Variants in HELLS observed in about 807,000 individuals in gnomAD.
HELLS encodes lymphoid-specific helicase.
In HELLS, 32 loss-of-function variants were observed where a neutral mutation model predicts 120.0. The ratio of observed to expected loss-of-function variants is 0.27; its 90% CI spans 0.20 to 0.36. The LOEUF (loss-of-function observed/expected upper bound fraction) is 0.36, where lower values mean the gene tolerates loss of function less well. Among genes scored for constraint, HELLS ranks in the 10% least tolerant of loss-of-function variants. The pLI, the probability that HELLS is intolerant of heterozygous loss-of-function variation, is 1.00. For synonymous variants in HELLS, 341 were observed against 323.4 expected (o/e 1.05, Z -0.58); for missense variants, 650 against 993.4 (o/e 0.65, Z 4.65).
chr10:94,588,511 A>G, intron 13 of HELLS, 121 bp downstream of exon 13: 1 of 610,734 alleles, frequency 1.6e-6, no homozygotes, highest in South Asian at 2.8e-5. Context: ...TGGCACAATC[A>G]CTGCTCACTG....
At chr10:94,613,075 TCCA>T (rs1846210356) in exon 10 of HELLS, 2 of 152,236 alleles carry the variant, frequency 1.3e-5, no homozygotes. Context: ...TCAGTGTGTA[TCCA>T]CCACATTTAA....
chr10:94,554,909 G>A (rs148137108), intron 3 of HELLS, among the ~76,000 whole-genome samples: 3 of 152,248 alleles, frequency 2.0e-5, no homozygotes, highest in African/African-American at 7.2e-5. Context: ...AGCACTTTGG[G>A]GAGCCTAGGT....
chr10:94,584,988 T>C (rs1261824363), intron 12 of HELLS, among the ~76,000 whole-genome samples: 1 of 152,136 alleles, frequency 6.6e-6, no homozygotes, highest in African/African-American at 2.4e-5. Context: ...TCAAAATGAA[T>C]TCAGATTAGG....
intron 6 of HELLS, 58 bp from the exon 7 acceptor site, chr10:94,571,326 GAATA>G (rs1844148524): frequency 4.7e-6 from 6 of 1,281,226 alleles, no homozygotes; most frequent in Admixed American, 2.0e-5. Context: ...AATGCTTGTT[GAATA>G]AATAAATAAA....
chr10:94,574,138 C>T lies in HELLS; in HGVS notation c.656C>T (p.Thr219Ile). The T allele has an allele frequency of 6.2e-7, 1 of 1,614,080 alleles. No homozygotes were observed. The highest frequency in any genetic ancestry group is 1.6e-4 in the Middle Eastern group (1 of 6,062). ...PVPFQQPKHFTGGVMRWYQVE... is the reference protein window; with the variant it reads ...PVPFQQPKHFIGGVMRWYQVE... Reference sequence around the variant, plus strand: ...CCTTTTCAACAACCAAAGCACTTCACTGGAGGAGTGATGCGATGGTACCAA... The same window carrying T: ...CCTTTTCAACAACCAAAGCACTTCATTGGAGGAGTGATGCGATGGTACCAA... Residue 219 changes from threonine (T) to isoleucine (I), a missense_variant, in exon 8 of 22, where the codon ACT (threonine) becomes ATT (isoleucine). By Grantham distance (89) the Thr-to-Ile change is moderately conservative. This residue lies in a region of HELLS where 26 missense variants were observed against 87.3 expected (regional missense o/e 0.30). Transcript: ENST00000348459.
intron 4 of HELLS, among the ~76,000 whole-genome samples, chr10:94,559,201 T>G (rs185903233): frequency 2.0e-5 from 3 of 152,290 alleles, no homozygotes; most frequent in Admixed American, 1.3e-4. Context: ...ACCATATGTA[T>G]GTCAAGCATA....
At chr10:94,603,600 AT>A (rs1846090561), downstream of HELLS, among the ~76,000 whole-genome samples, 1 of 152,202 alleles carries the variant, frequency 6.6e-6, no homozygotes, top group Non-Finnish European at 1.5e-5. Context: ...TTTCTCCTGA[AT>A]TCCAGATTCA....
rs1055105277 is a variant in HELLS at position 94,590,648 on chromosome 10, G to C, written c.1639G>C (p.Glu547Gln). Residue 547 changes from glutamate to glutamine, a missense_variant, in exon 15 of 22, where the codon GAA (glutamate) becomes CAA (glutamine). This residue lies in a region of HELLS where 191 missense variants were observed against 259.7 expected (regional missense o/e 0.74). Coordinates refer to ENST00000348459, the MANE Select transcript of HELLS (RefSeq NM_018063.5). ...PEVDRERAVVEVNIPVESEVN... is the reference protein window; with the variant it reads ...PEVDRERAVVQVNIPVESEVN... Reference sequence around the variant, plus strand: ...TATTTGTTTTGGTAGAGCTGTTGTGGAAGTGAATATCCCTGTAGAATCTGA... The same window carrying C: ...TATTTGTTTTGGTAGAGCTGTTGTGCAAGTGAATATCCCTGTAGAATCTGA... 1 of 1,608,428 alleles carries C rather than the reference G, an allele frequency of 6.2e-7. No homozygotes were observed. Among genetic ancestry groups the C allele is most frequent in the African/African-American group, 1.3e-5 (1 of 74,604 alleles).
chr10:94,574,335 G>A, intron 8 of HELLS, 148 bp downstream of exon 8: 1 of 706,052 alleles, frequency 1.4e-6, no homozygotes, highest in Non-Finnish European at 2.3e-6. Flanking sequence ...TCTTTACCCT[G>A]AATTTTTAGA....
intron 15 of HELLS, 104 bp from the exon 16 acceptor site, chr10:94,592,125 T>G: frequency 1.3e-6 from 1 of 793,266 alleles, no homozygotes; most frequent in South Asian, 1.9e-5. Context: ...TTTAAGTTTT[T>G]TAAGTGACTT....
intron 10 of HELLS, chr10:94,577,347 C>G: frequency 4.4e-6 from 1 of 225,560 alleles, no homozygotes; most frequent in South Asian, 5.6e-5. Flanking sequence ...CTACCTCATT[C>G]ATTTATAATT....
intron 2 of HELLS, among the ~76,000 whole-genome samples, chr10:94,549,563 A>G (rs1443534148): frequency 6.6e-6 from 1 of 152,200 alleles, no homozygotes; most frequent in East Asian, 1.9e-4. Flanking sequence ...AAGGATCATG[A>G]TATGTGTAGG....
chr10:94,559,167 G>T (rs750292660), intron 4 of HELLS, among the ~76,000 whole-genome samples: 10 of 152,102 alleles, frequency 6.6e-5, no homozygotes, highest in Non-Finnish European at 1.5e-4. Context: ...CTCAAACATG[G>T]GTTGCTGTTC....
intron 10 of HELLS, among the ~76,000 whole-genome samples, chr10:94,578,467 C>T (rs1205955987): frequency 2.0e-5 from 3 of 152,050 alleles, no homozygotes; most frequent in Non-Finnish European, 4.4e-5. Context: ...GAAGCTTAGG[C>T]GGGCAGATCA....
rs536370538 is a variant in HELLS at position 94,587,571 on chromosome 10, G to T, written c.1327-658G>T. On this transcript the variant is annotated intron_variant, in intron 12 of 21. Transcript: ENST00000348459. ...GCCTCTTGAGTAGCTGGGATTACAGGTACCCGCCAGCACACCCAGCTAATT... is the reference window on the plus strand; with the variant it reads ...GCCTCTTGAGTAGCTGGGATTACAGTTACCCGCCAGCACACCCAGCTAATT... Among the ~76,000 whole-genome samples, 41 of 152,124 alleles carry T rather than the reference G, an allele frequency of 2.7e-4. No individual in the cohort carries two copies. The South Asian group carries it at 2.7e-3, about 10-fold the overall frequency.
Position 94,588,312 on chromosome 10 carries a change from T to C in HELLS, c.1410T>C (p.Ala470=), listed in dbSNP as rs751328261. 6.2e-7 allele frequency: 1 copy of C among 1,611,612 alleles called. No individual in the cohort carries two copies. The highest frequency in any genetic ancestry group is 8.5e-7 in the Non-Finnish European group (1 of 1,178,120). ...VPPKREVVVY[A]PLSKKQEIFY... is the part of the protein sequence containing the mutation. The stretch of plus-strand genomic sequence containing the variant: ...CTAAACGAGAAGTAGTCGTTTATGC[T>C]CCACTTTCAAAGAAGCAGGAGATCT... Residue 470 remains alanine (A), a synonymous_variant, in exon 13 of 22, where the codon GCT becomes GCC. Transcript: ENST00000348459.
chr10:94,584,445 G>T (rs1183342758), intron 12 of HELLS, among the ~76,000 whole-genome samples: 1 of 151,952 alleles, frequency 6.6e-6, no homozygotes, highest in South Asian at 2.1e-4. Flanking sequence ...TGCACCAATA[G>T]TTATAGAAGC....
intron 2 of HELLS, among the ~76,000 whole-genome samples, chr10:94,550,531 C>T (rs979898628): frequency 7.2e-5 from 11 of 151,876 alleles, no homozygotes; most frequent in African/African-American, 2.2e-4. Context: ...CTGCCTTCCT[C>T]GACCTCCCAA....
intron 10 of HELLS, among the ~76,000 whole-genome samples, chr10:94,580,150 TATATATATATATACACAC>T (rs1332589381): frequency 8.4e-4 from 45 of 53,786 alleles, no homozygotes; most frequent in African/African-American, 4.4e-3. Flanking sequence ...TATATATATA[TATATATATATATACACAC>T]ACACACACAC....
Sources: allele counts gnomAD v4.1 joint callset (sites outside exome capture counted in the v4.1 genomes callset), GRCh38; gene constraint gnomAD v4.1.1; regional missense constraint gnomAD v4.1.1; transcripts MANE v1.5; gene names NCBI Gene and HGNC (gene_info 2026-07-23, HGNC 2026-07-21).